The following GABRG1 variants were observed in gnomAD, a reference collection of about 807,000 sequenced individuals.
The protein encoded by GABRG1 is gamma-aminobutyric acid receptor subunit gamma-1.
A neutral mutation model predicts 49.8 loss-of-function variants in GABRG1; 49 were observed. The observed-to-expected ratio is 0.98, with a 90% CI of 0.78 to 1.25. GABRG1 has a LOEUF of 1.25. Among genes scored for constraint, GABRG1 ranks in the 50% most tolerant of loss-of-function variants. The pLI, the probability that GABRG1 is intolerant of heterozygous loss-of-function variation, is 0.00. For synonymous variants in GABRG1, 232 were observed against 185.1 expected, an observed-to-expected ratio of 1.25 and a Z score of -2.06; for missense variants, 552 against 552.3, an observed-to-expected ratio of 1.00 and a Z score of 0.01.
intron 2 of GABRG1, among the ~76,000 whole-genome samples, chr4:46,093,527 G>T (rs1212356767): frequency 6.6e-6 from 1 of 151,922 alleles, no homozygotes; most frequent in Non-Finnish European, 1.5e-5. Flanking sequence ...TCTATTATTT[G>T]ATAGCATAGC....
chr4:46,121,246 G>A (rs1355607477), intron 1 of GABRG1, among the ~76,000 whole-genome samples: 1 of 151,662 alleles, frequency 6.6e-6, no homozygotes, highest in East Asian at 1.9e-4. Flanking sequence ...ACACTAAAAT[G>A]CTTACAAATG....
At chr4:46,060,099 A>G (rs942500881) in intron 5 of GABRG1, among the ~76,000 whole-genome samples, 5 of 152,146 alleles carry the variant, frequency 3.3e-5, no homozygotes, top group African/African-American at 7.2e-5. Flanking sequence ...GGCTTGTATC[A>G]GGAATATCTT....
intron 3 of GABRG1, 140 bp downstream of exon 3, chr4:46,083,846 C>T: frequency 1.5e-6 from 1 of 650,544 alleles, no homozygotes; most frequent in Admixed American, 2.9e-5. Context: ...GTTGCCAATA[C>T]CTGGCACAAA....
intron 3 of GABRG1, among the ~76,000 whole-genome samples, chr4:46,073,612 T>C (rs1719220623): frequency 6.6e-6 from 1 of 151,988 alleles, no homozygotes. Flanking sequence ...GTATGAAACA[T>C]AGTATGGTAA....
rs1717674355 is a variant in GABRG1, at chr4:46,039,533, A to G, written c.*1455T>C. Reference sequence around the variant, plus strand: ...ACCTTAAGTAAGATAGGCTGTGATCATAAAACTCTTCATCATGGTCATTGG... The same window carrying G: ...ACCTTAAGTAAGATAGGCTGTGATCGTAAAACTCTTCATCATGGTCATTGG... On this transcript the variant is annotated 3_prime_UTR_variant, in exon 9 of 9. Transcript: ENST00000295452. 6.6e-6 allele frequency: 1 copy of G among 151,714 alleles called. No homozygotes were observed. Among genetic ancestry groups the G allele is most frequent in the African/African-American group, 2.4e-5 (1 of 41,418 alleles). The allele number at this position is 151,714 out of a possible 1,614,324, so 9.4% of individuals were successfully genotyped here. A position where few individuals can be genotyped will look rare whatever the true frequency, so the allele number is the denominator to read the frequency against.
At chr4:46,075,500 T>G (rs962119970) in intron 3 of GABRG1, among the ~76,000 whole-genome samples, 2 of 152,042 alleles carry the variant, frequency 1.3e-5, no homozygotes, top group Non-Finnish European at 2.9e-5. Flanking sequence ...CCAGCCAGCA[T>G]TTTCAAAATT....
chr4:46,043,772 T>C (rs920020753), intron 8 of GABRG1, among the ~76,000 whole-genome samples: 4 of 152,096 alleles, frequency 2.6e-5, no homozygotes, highest in South Asian at 2.1e-4. Context: ...CAAAAATTAC[T>C]AAGAATATAG....
intron 1 of GABRG1, among the ~76,000 whole-genome samples, chr4:46,108,454 C>T (rs973570056): frequency 6.0e-5 from 9 of 151,140 alleles, no homozygotes; most frequent in African/African-American, 2.2e-4. Flanking sequence ...AAAATGTTGA[C>T]TTTCTGTTCT....
chr4:46,044,563 T>C (rs1270940244), intron 8 of GABRG1, among the ~76,000 whole-genome samples: 1 of 151,972 alleles, frequency 6.6e-6, no homozygotes, highest in Non-Finnish European at 1.5e-5. Context: ...GATCAATTTC[T>C]GAAGTACAAA....
chr4:46,082,148 C>CT (rs1719599439), intron 3 of GABRG1, among the ~76,000 whole-genome samples: 1 of 151,646 alleles, frequency 6.6e-6, no homozygotes, highest in South Asian at 2.1e-4. Context: ...ATTATGAAGT[C>CT]TTTTTTAAAA....
At chr4:46,094,568 A>T (rs1025198879) in intron 2 of GABRG1, among the ~76,000 whole-genome samples, 5 of 152,038 alleles carry the variant, frequency 3.3e-5, no homozygotes, top group African/African-American at 4.8e-5. Flanking sequence ...AGTGATGTTC[A>T]AAATAGGTTG....
At chr4:46,092,536 G>C (rs1165503804) in intron 2 of GABRG1, among the ~76,000 whole-genome samples, 1 of 151,916 alleles carries the variant, frequency 6.6e-6, no homozygotes, top group Non-Finnish European at 1.5e-5. Context: ...ATAAGCAATA[G>C]AGAACAAATT....
chr4:46,113,943 T>C lies in GABRG1; in HGVS notation c.104+9867A>G, dbSNP rs538778427. 3.5e-3 allele frequency among the ~76,000 whole-genome samples: 532 copies of C among 151,290 alleles called. 1 individual carries two copies. Among genetic ancestry groups the C allele is most frequent in the Non-Finnish European group, 6.5e-3 (435 of 67,414 alleles). ...AGGGAAAAGTTCCAGAAAAGAAACG[T>C]ATCTTCTGAGTAGAAGATGCAATAT... On this transcript the variant is annotated intron_variant, in intron 1 of 8. Coordinates refer to ENST00000295452, the MANE Select transcript of GABRG1 (RefSeq NM_173536.4).
At chr4:46,064,848 A>G (rs1243211052) in intron 4 of GABRG1, among the ~76,000 whole-genome samples, 1 of 152,166 alleles carries the variant, frequency 6.6e-6, no homozygotes, top group African/African-American at 2.4e-5. Flanking sequence ...AACAGATTAT[A>G]AATGGTTAAG....
intron 8 of GABRG1, among the ~76,000 whole-genome samples, chr4:46,045,354 T>C (rs532759206): frequency 2.6e-5 from 4 of 151,966 alleles, no homozygotes; most frequent in African/African-American, 7.2e-5. Flanking sequence ...TATGGAAAAA[T>C]GGCTTAAAAT....
At position 46,039,284 on chromosome 4, in the gene GABRG1, T is replaced by G. The variant is rs1003847934; in HGVS notation, c.*1704A>C. 6 of 151,524 alleles carry G rather than the reference T, an allele frequency of 4.0e-5. No individual in the cohort carries two copies. The highest frequency in any genetic ancestry group is 1.5e-4 in the African/African-American group (6 of 41,372). 9.4% of individuals were successfully genotyped at this position (151,524 alleles called of 1,614,324 possible). On this transcript the variant is annotated 3_prime_UTR_variant, in exon 9 of 9. Coordinates refer to ENST00000295452, the MANE Select transcript of GABRG1 (RefSeq NM_173536.4). ...GTCGGTGGATATTGGGCATTACCATTTGATTCATGCTTATTTTTTTCCAGA... is the reference window on the plus strand; with the variant it reads ...GTCGGTGGATATTGGGCATTACCATGTGATTCATGCTTATTTTTTTCCAGA...
intron 1 of GABRG1, among the ~76,000 whole-genome samples, chr4:46,113,210 A>G (rs1720777011): frequency 6.6e-6 from 1 of 151,154 alleles, no homozygotes. Flanking sequence ...AGACTGAGTA[A>G]TTTATAAAGA....
At chr4:46,080,705 C>T (rs1719532149) in intron 3 of GABRG1, among the ~76,000 whole-genome samples, 1 of 151,728 alleles carries the variant, frequency 6.6e-6, no homozygotes, top group African/African-American at 2.4e-5. Flanking sequence ...TCTTGTTTCT[C>T]TTTACTTTAA....
At chr4:46,069,202 C>G (rs1167509133) in intron 3 of GABRG1, among the ~76,000 whole-genome samples, 1 of 151,986 alleles carries the variant, frequency 6.6e-6, no homozygotes, top group African/African-American at 2.4e-5. Context: ...AGCAATTAAC[C>G]TAGGTGCATA....
Sources: allele counts gnomAD v4.1 joint callset (sites outside exome capture counted in the v4.1 genomes callset), GRCh38; gene constraint gnomAD v4.1.1; transcripts MANE v1.5; gene names NCBI Gene and HGNC (gene_info 2026-07-23, HGNC 2026-07-21).